TTC23: variants seen among roughly 807,000 people sequenced by gnomAD.
TTC23 encodes the protein tetratricopeptide repeat domain 23, also known as tetratricopeptide repeat protein 23.
Under a neutral mutation model 55.1 loss-of-function variants are expected in TTC23, and 58 were observed. The ratio of observed to expected loss-of-function variants is 1.05; its 90% CI spans 0.85 to 1.31. TTC23 has a LOEUF of 1.31. TTC23 is among the 50% of genes most tolerant of loss of function. The pLI is 0.00. For synonymous variants in TTC23, 203 were observed against 199.9 expected (o/e 1.02, Z -0.13); for missense variants, 516 against 534.4 (o/e 0.97, Z 0.34).
At chr15:99,245,033 GT>G (rs1188792924) in intron 2 of TTC23, among the ~76,000 whole-genome samples, 1 of 152,154 alleles carries the variant, frequency 6.6e-6, no homozygotes, top group Non-Finnish European at 1.5e-5. Flanking sequence ...CACAAAAATG[GT>G]AATTATGTCA....
intron 9 of TTC23, among the ~76,000 whole-genome samples, chr15:99,185,270 G>A (rs1596482337): frequency 6.6e-6 from 1 of 152,160 alleles, no homozygotes; most frequent in African/African-American, 2.4e-5. Context: ...GATTGCATAT[G>A]TATAGCAAAT....
At chr15:99,139,218 C>T in intron 13 of TTC23, 99 bp downstream of exon 13, 1 of 1,470,232 alleles carries the variant, frequency 6.8e-7, no homozygotes, top group Non-Finnish European at 9.2e-7. Context: ...GCAAAACATT[C>T]CAGAGAAGGT....
intron 9 of TTC23, among the ~76,000 whole-genome samples, chr15:99,194,953 A>C (rs748698121): frequency 6.6e-6 from 1 of 152,210 alleles, no homozygotes; most frequent in Admixed American, 6.5e-5. Flanking sequence ...ACAAAACAAA[A>C]CAACACTGCA....
intron 8 of TTC23, among the ~76,000 whole-genome samples, chr15:99,207,187 A>G (rs1455598786): frequency 2.0e-5 from 3 of 152,216 alleles, no homozygotes; most frequent in Non-Finnish European, 4.4e-5. Flanking sequence ...AAATAAGAAC[A>G]GAAAAGATAG....
chr15:99,156,341 CTGAT>C (rs776944685), intron 11 of TTC23, 44 bp from the exon 12 acceptor site: 38 of 1,605,724 alleles, frequency 2.4e-5, no homozygotes, highest in Non-Finnish European at 3.0e-5. Context: ...AGCTCAAAGG[CTGAT>C]TAGGATCATT....
rs260088 is a variant in TTC23, at chr15:99,137,111, C to A, written c.*899G>T. The A allele has an allele frequency of 0.15, 22,310 of 152,316 alleles. 1,662 individuals are homozygous for A. The highest frequency in any genetic ancestry group is 0.16 in the Admixed American group (2,511 of 15,294). The allele number at this position is 152,316 out of a possible 1,614,324, so 9.4% of individuals were successfully genotyped here. ...CACTGCCCACACCTGCACCCCTACCCCTGGGTGTTCCATCCACCTCGATCT... is the reference window on the plus strand; with the variant it reads ...CACTGCCCACACCTGCACCCCTACCACTGGGTGTTCCATCCACCTCGATCT... On this transcript the variant is annotated 3_prime_UTR_variant, in exon 14 of 14. Transcript: ENST00000394132.
intron 3 of TTC23, among the ~76,000 whole-genome samples, chr15:99,236,683 T>TG (rs1038469763): frequency 2.0e-5 from 3 of 152,088 alleles, no homozygotes; most frequent in African/African-American, 7.2e-5. Flanking sequence ...GCATTGAGCC[T>TG]GGCCCTTTTC....
At chr15:99,192,774 A>G (rs903331444) in intron 9 of TTC23, among the ~76,000 whole-genome samples, 1 of 152,192 alleles carries the variant, frequency 6.6e-6, no homozygotes, top group Non-Finnish European at 1.5e-5. Flanking sequence ...AGACCCCAGA[A>G]TAGTAGATCC....
chr15:99,249,651 G>A (rs1297362488), upstream of TTC23: 1 of 152,110 alleles, frequency 6.6e-6, no homozygotes, highest in Non-Finnish European at 1.5e-5. Context: ...GTATTTTGTC[G>A]AAGTTTGCAA....
In TTC23 at chr15:99,179,294, T is replaced by C. The variant is rs1311996202; in HGVS notation, c.760-4139A>G. 2.6e-5 allele frequency among the ~76,000 whole-genome samples: 4 copies of C among 152,314 alleles called. No individual in the cohort carries two copies. In the East Asian group the frequency reaches 7.7e-4, roughly 29 times the overall value. On this transcript the variant is annotated intron_variant, in intron 9 of 13. Transcript: ENST00000394132. ...CCAACTCACAGACCCATTTTGGCTC[T>C]TGGGGGGCCCTAGATCTATTGCCTC... is the stretch of plus-strand genomic sequence containing the variant.
chr15:99,214,980 C>T (rs761550847), intron 8 of TTC23, among the ~76,000 whole-genome samples: 34 of 151,270 alleles, frequency 2.2e-4, no homozygotes, highest in Non-Finnish European at 3.4e-4. Flanking sequence ...CTCAGCCTCC[C>T]GAGTAGCTGG....
At chr15:99,155,704 T>C (rs1428123990) in intron 12 of TTC23, 1 of 174,352 alleles carries the variant, frequency 5.7e-6, no homozygotes, top group Non-Finnish European at 1.2e-5. Flanking sequence ...ATAGATGGGC[T>C]CTCTAATTAA....
chr15:99,245,126 C>T (rs994524235), intron 2 of TTC23, among the ~76,000 whole-genome samples: 1 of 152,126 alleles, frequency 6.6e-6, no homozygotes, highest in African/African-American at 2.4e-5. Context: ...ATGTTTACCT[C>T]AAATGTATAT....
At chr15:99,222,922 G>A (rs916596541) in intron 5 of TTC23, among the ~76,000 whole-genome samples, 8 of 152,292 alleles carry the variant, frequency 5.3e-5, no homozygotes, top group African/African-American at 1.2e-4. Flanking sequence ...GTGTGAACCC[G>A]GGAGGCGGAG....
chr15:99,239,596 G>C (rs764526040), intron 3 of TTC23, among the ~76,000 whole-genome samples: 6 of 152,214 alleles, frequency 3.9e-5, no homozygotes, highest in Non-Finnish European at 7.4e-5. Flanking sequence ...CTGTTGTACA[G>C]AGACACAGTG....
rs1555498135 is a variant in TTC23, at chr15:99,154,023, A to G, written c.1143+2125T>C. Reference sequence around the variant, plus strand: ...ATCTAGAAAAATACGGTTTGCCAAAATGACCCCATTAGGGACAGAAAGCTT... The same window carrying G: ...ATCTAGAAAAATACGGTTTGCCAAAGTGACCCCATTAGGGACAGAAAGCTT... On this transcript the variant is annotated intron_variant, in intron 12 of 13. Coordinates refer to ENST00000394132, the MANE Select transcript of TTC23 (RefSeq NM_001288615.3). Among the ~76,000 whole-genome samples the G allele has an allele frequency of 3.9e-5, 6 of 152,234 alleles. No homozygotes were observed. In the South Asian group the frequency reaches 1.0e-3, roughly 26 times the overall value.
chr15:99,174,931 A>G (rs556965845), intron 10 of TTC23, 119 bp downstream of exon 10: 166 of 737,694 alleles, frequency 2.3e-4, no homozygotes, highest in Non-Finnish European at 3.2e-4. Flanking sequence ...AGATAAAACA[A>G]GGAAGGCTCT....
chr15:99,163,710 C>T (rs1227896693), intron 10 of TTC23, among the ~76,000 whole-genome samples: 1 of 152,134 alleles, frequency 6.6e-6, no homozygotes, highest in African/African-American at 2.4e-5. Context: ...AGGATGGCAC[C>T]CTCATGAATG....
intron 9 of TTC23, among the ~76,000 whole-genome samples, chr15:99,199,684 A>C (rs1377267): frequency 0.37 from 56,533 of 152,004 alleles, 10,752 homozygotes; most frequent in Middle Eastern, 0.54. Context: ...AACCCCCTTT[A>C]GAGCATCTCA....
Sources: gnomAD v4.1 joint callset for allele counts (sites outside exome capture counted in the v4.1 genomes callset) on GRCh38, gnomAD v4.1.1 for gene constraint, MANE v1.5 for transcripts, NCBI Gene and HGNC (gene_info 2026-07-23, HGNC 2026-07-21) for gene names.